Variants in TESMIN observed in about 807,000 individuals in gnomAD.
The protein encoded by TESMIN is CXC domain containing 2.
TESMIN carries 34 observed loss-of-function variants against 47.4 expected under a neutral mutation model. That is an observed-to-expected ratio of 0.72 (90% CI 0.55 to 0.96). TESMIN has a LOEUF of 0.96. Among genes scored for constraint, TESMIN ranks in the 40% least tolerant of loss-of-function variants. The pLI, the probability that TESMIN is intolerant of heterozygous loss-of-function variation, is 0.00. For synonymous variants in TESMIN, 278 were observed against 258.9 expected, an observed-to-expected ratio of 1.07 and a Z score of -0.71; for missense variants, 610 against 637.2, an observed-to-expected ratio of 0.96 and a Z score of 0.46.
chr11:68,722,648 A>G (rs1001426024), intron 6 of TESMIN, among the ~76,000 whole-genome samples: 6 of 152,246 alleles, frequency 3.9e-5, no homozygotes, highest in African/African-American at 1.4e-4. Flanking sequence ...ATTCAGCTAT[A>G]TTTAACCTAC....
Position 68,713,261 on chromosome 11 carries a change from G to A in TESMIN, c.1158+9C>T. ...TTTTTGTTAGTGAGTTAGGGAGCTG[G>A]GCACTAACCTCATAGCACTCGCAGT... On this transcript the variant is annotated intron_variant, in intron 8 of 9. Coordinates refer to ENST00000255087, the MANE Select transcript of TESMIN (RefSeq NM_004923.3). 1 of 1,609,898 alleles carries A rather than the reference G, an allele frequency of 6.2e-7. No homozygotes were observed. The highest frequency in any genetic ancestry group is 8.5e-7 in the Non-Finnish European group (1 of 1,177,628).
chr11:68,745,909 T>C (rs1594303397), intron 3 of TESMIN, among the ~76,000 whole-genome samples: 1 of 152,238 alleles, frequency 6.6e-6, no homozygotes, highest in African/African-American at 2.4e-5. Context: ...AGAGATGCTG[T>C]GGCTTCTGCC....
rs372715239 is a variant in TESMIN at position 68,723,720 on chromosome 11, G to T, written c.918-7781C>A. Among the ~76,000 whole-genome samples, 139 of 151,970 alleles carry T rather than the reference G, an allele frequency of 9.1e-4. 4 individuals are homozygous for T. The South Asian group carries it at 0.026, about 29-fold the overall frequency. ...AAAGGCCATAATTATAGATACAGAG[G>T]TCATCTTTAAATATAGAATATATGA... On this transcript the variant is annotated intron_variant, in intron 6 of 9. Coordinates refer to ENST00000255087, the MANE Select transcript of TESMIN (RefSeq NM_004923.3).
chr11:68,720,037 G>C (rs1946186738), intron 6 of TESMIN, among the ~76,000 whole-genome samples: 1 of 152,160 alleles, frequency 6.6e-6, no homozygotes, highest in Non-Finnish European at 1.5e-5. Flanking sequence ...AAATGCACTA[G>C]AGTAGAAAGA....
chr11:68,718,881 TA>T (rs1406466917), intron 6 of TESMIN, among the ~76,000 whole-genome samples: 2 of 152,190 alleles, frequency 1.3e-5, no homozygotes, highest in African/African-American at 2.4e-5. Flanking sequence ...CAATCTAAAT[TA>T]TCATCTAAGC....
chr11:68,734,335 G>A lies in TESMIN; in HGVS notation c.917+4365C>T, dbSNP rs548598399. ...AGAAGAAACAAACTCTTCCTCTAAC[G>A]TGTCTCTGGGTGTTGCTAAATGTGA... On this transcript the variant is annotated intron_variant, in intron 6 of 9. Transcript: ENST00000255087. Among the ~76,000 whole-genome samples, 27 of 152,290 alleles carry A rather than the reference G, an allele frequency of 1.8e-4. No homozygotes were observed. In the South Asian group the frequency reaches 4.6e-3, roughly 26 times the overall value.
In TESMIN at chr11:68,707,705, C is replaced by T. The variant is rs564420850; in HGVS notation, c.*603G>A. 236 of 411,418 alleles carry T rather than the reference C, an allele frequency of 5.7e-4. No homozygotes were observed. The highest frequency in any genetic ancestry group is 3.4e-3 in the South Asian group (205 of 60,158). The allele number at this position is 411,418 out of a possible 1,614,324, so 25.5% of individuals were successfully genotyped here. ...TGGTGCAAGCCTGGCCTGCGAGGCC[C>T]CATTGCCTGCGTCTCCCGGGGGCCT... is the stretch of plus-strand genomic sequence containing the variant. On this transcript the variant is annotated 3_prime_UTR_variant, in exon 10 of 10. Coordinates refer to ENST00000255087, the MANE Select transcript of TESMIN (RefSeq NM_004923.3).
chr11:68,747,258 C>T lies in TESMIN; in HGVS notation c.580G>A (p.Glu194Lys). The T allele has an allele frequency of 6.2e-7, 1 of 1,614,100 alleles. No individual in the cohort carries two copies. The highest frequency in any genetic ancestry group is 1.3e-5 in the African/African-American group (1 of 75,012). Residue 194 changes from glutamate to lysine, a missense_variant, in exon 3 of 10, where the codon GAA (glutamate) becomes AAA (lysine). By Grantham distance (56) the Glu-to-Lys change is moderately conservative (BLOSUM62 1). Transcript: ENST00000255087. Reference protein sequence around the residue: ...ESCCKFPSSQELEDASCCSLK... With the variant: ...ESCCKFPSSQKLEDASCCSLK... Reference sequence around the variant, plus strand: ...GAACAGCAGGAGGCATCCTCTAGTTCCTGGGACGATGGGAACTTGCAACAG... The same window carrying T: ...GAACAGCAGGAGGCATCCTCTAGTTTCTGGGACGATGGGAACTTGCAACAG...
chr11:68,711,586 G>A (rs929983869), intron 8 of TESMIN, among the ~76,000 whole-genome samples: 4 of 152,094 alleles, frequency 2.6e-5, no homozygotes, highest in African/African-American at 4.8e-5. Flanking sequence ...TTCTCTACCC[G>A]GGAGCCAGCA....
chr11:68,727,693 G>C (rs1315129003), intron 6 of TESMIN, among the ~76,000 whole-genome samples: 1 of 152,180 alleles, frequency 6.6e-6, no homozygotes, highest in Non-Finnish European at 1.5e-5. Context: ...TTGAAGGTTT[G>C]TGTCAACTCT....
chr11:68,732,915 C>G (rs1291370285), intron 6 of TESMIN: 1 of 152,234 alleles, frequency 6.6e-6, no homozygotes, highest in African/African-American at 2.4e-5. Context: ...AGCAGGAGCT[C>G]TGTAATGGAA....
At chr11:68,744,828 GAT>G (rs1259458845) in intron 4 of TESMIN, 161 bp downstream of exon 4, 1 of 554,836 alleles carries the variant, frequency 1.8e-6, no homozygotes. Flanking sequence ...TTAGTCTATA[GAT>G]ATACATTTTT....
At chr11:68,715,500 G>C (rs1489195205) in intron 7 of TESMIN, among the ~76,000 whole-genome samples, 1 of 152,170 alleles carries the variant, frequency 6.6e-6, no homozygotes, top group Non-Finnish European at 1.5e-5. Flanking sequence ...CACTGCTCCA[G>C]CTCATGCTTA....
Position 68,707,449 on chromosome 11 carries a change from T to C in TESMIN, c.*859A>G, listed in dbSNP as rs1440285568. 1 of 176,768 alleles carries C rather than the reference T, an allele frequency of 5.7e-6. No individual in the cohort carries two copies. The highest frequency in any genetic ancestry group is 1.2e-5 in the Non-Finnish European group (1 of 81,186). The allele number at this position is 176,768 out of a possible 1,614,324, so 10.9% of individuals were successfully genotyped here. A position where few individuals can be genotyped will look rare whatever the true frequency, so the allele number is the denominator to read the frequency against. ...AAGTTAATGACAACAATTGAAGACA[T>C]TGGAAATTTTTATTCATCTTTGCTT... On this transcript the variant is annotated 3_prime_UTR_variant, in exon 10 of 10. Transcript: ENST00000255087.
At chr11:68,716,432 G>A (rs114019478) in intron 6 of TESMIN, among the ~76,000 whole-genome samples, 351 of 152,340 alleles carry the variant, frequency 2.3e-3, no homozygotes, top group African/African-American at 8.0e-3. Flanking sequence ...GCCTTAACTC[G>A]CTTTCATTCT....
downstream of TESMIN, among the ~76,000 whole-genome samples, chr11:68,707,135 G>T (rs1488946958): frequency 6.6e-6 from 1 of 152,254 alleles, no homozygotes; most frequent in Non-Finnish European, 1.5e-5. Flanking sequence ...TTGCAAAGGG[G>T]AAGAATTCAG....
rs900711931 is a variant in TESMIN, at chr11:68,707,727, G to A, written c.*581C>T. ...GCCCCATTGCCTGCGTCTCCCGGGG[G>A]CCTTAGGAAAGACTGACAGTTCGCG... On this transcript the variant is annotated 3_prime_UTR_variant, in exon 10 of 10. Coordinates refer to ENST00000255087, the MANE Select transcript of TESMIN (RefSeq NM_004923.3). 2.3e-6 allele frequency: 1 copy of A among 429,884 alleles called. No homozygotes were observed. The highest frequency in any genetic ancestry group is 4.8e-6 in the Non-Finnish European group (1 of 207,874). The allele number at this position is 429,884 out of a possible 1,614,324, so 26.6% of individuals were successfully genotyped here.
At chr11:68,710,754 C>T in intron 9 of TESMIN, 120 bp downstream of exon 9, 3 of 1,026,644 alleles carry the variant, frequency 2.9e-6, no homozygotes, top group Non-Finnish European at 1.4e-6. Flanking sequence ...CCTCTGCCCC[C>T]AAACACACGC....
At position 68,751,511 on chromosome 11, in the gene TESMIN, G is replaced by A. The variant is rs574968360; in HGVS notation, c.-131C>T. The A allele has an allele frequency of 6.6e-6, 1 of 152,668 alleles. No individual in the cohort carries two copies. Among genetic ancestry groups the A allele is most frequent in the South Asian group, 2.1e-4 (1 of 4,854 alleles). 9.5% of individuals were successfully genotyped at this position (152,668 alleles called of 1,614,324 possible). A position where few individuals can be genotyped will look rare whatever the true frequency, so the allele number is the denominator to read the frequency against. On this transcript the variant is annotated 5_prime_UTR_variant, in exon 1 of 10. Transcript: ENST00000255087. ...AGGCGGCCGTTGGCGGTTGGAGAAGGGGGAAGGGTGAGGGACAGGAACCTG... is the reference window on the plus strand; with the variant it reads ...AGGCGGCCGTTGGCGGTTGGAGAAGAGGGAAGGGTGAGGGACAGGAACCTG...
Sources: gnomAD v4.1 joint callset for allele counts (sites outside exome capture counted in the v4.1 genomes callset) on GRCh38, gnomAD v4.1.1 for gene constraint, MANE v1.5 for transcripts, NCBI Gene and HGNC (gene_info 2026-07-23, HGNC 2026-07-21) for gene names.